Variants in PTPRR observed in about 807,000 individuals in gnomAD.
PTPRR encodes the protein protein tyrosine phosphatase receptor type R, also known as receptor-type tyrosine-protein phosphatase R.
A neutral mutation model predicts 77.2 loss-of-function variants in PTPRR; 38 were observed. The ratio of observed to expected loss-of-function variants is 0.49; its 90% CI spans 0.38 to 0.65. The LOEUF is 0.65. Among genes scored for constraint, PTPRR ranks in the 30% least tolerant of loss-of-function variants. PTPRR has a pLI of 0.00. For missense variants in PTPRR, 744 were observed against 799.2 expected, an observed-to-expected ratio of 0.93 and a Z score of 0.83; for synonymous variants, 299 against 283.1, an observed-to-expected ratio of 1.06 and a Z score of -0.57.
intron 2 of PTPRR, among the ~76,000 whole-genome samples, chr12:70,796,672 T>C (rs1891520544): frequency 6.6e-6 from 1 of 151,786 alleles, no homozygotes; most frequent in African/African-American, 2.4e-5. Context: ...GAAAAGGAAA[T>C]TAATGAAATG....
At chr12:70,801,554 A>G (rs748713812) in intron 2 of PTPRR, among the ~76,000 whole-genome samples, 19 of 152,240 alleles carry the variant, frequency 1.2e-4, no homozygotes, top group South Asian at 6.2e-4. Flanking sequence ...TCGAACTTAC[A>G]CCATTGCCTT....
chr12:70,742,670 T>C (rs1201755279), intron 6 of PTPRR, among the ~76,000 whole-genome samples: 2 of 152,116 alleles, frequency 1.3e-5, no homozygotes, highest in Admixed American at 1.3e-4. Context: ...AAAACCAGTT[T>C]AAGAGGTCTA....
At chr12:70,778,054 A>G (rs1406923968) in intron 2 of PTPRR, among the ~76,000 whole-genome samples, 1 of 152,096 alleles carries the variant, frequency 6.6e-6, no homozygotes, top group East Asian at 1.9e-4. Flanking sequence ...TCTGTTTTTC[A>G]GTTGGGTTTC....
Position 70,701,132 on chromosome 12 carries a change from C to T in PTPRR, c.1194+5G>A, listed in dbSNP as rs1888406453. 1 of 1,613,626 alleles carries T rather than the reference C, an allele frequency of 6.2e-7. No homozygotes were observed. The highest frequency in any genetic ancestry group is 8.5e-7 in the Non-Finnish European group (1 of 1,179,758). The stretch of plus-strand genomic sequence containing the variant: ...TGAAGAGTGAACAATAAATAGAAGG[C>T]TCACCATGAATTCACTTTGGAGTAA... On this transcript the variant is annotated splice_donor_5th_base_variant and intron_variant, in intron 7 of 13. Coordinates refer to ENST00000283228, the MANE Select transcript of PTPRR (RefSeq NM_002849.4).
chr12:70,840,809 G>T (rs1454839450), intron 2 of PTPRR, among the ~76,000 whole-genome samples: 1 of 152,004 alleles, frequency 6.6e-6, no homozygotes, highest in Non-Finnish European at 1.5e-5. Context: ...TCACTGAATT[G>T]CAAGGAGGTA....
At chr12:70,913,075 C>G (rs912963438) in intron 1 of PTPRR, among the ~76,000 whole-genome samples, 18 of 152,080 alleles carry the variant, frequency 1.2e-4, no homozygotes, top group African/African-American at 4.3e-4. Flanking sequence ...AATATAACAT[C>G]CGTGTTATCT....
chr12:70,643,134 T>C (rs569264019), intron 13 of PTPRR, among the ~76,000 whole-genome samples: 2 of 152,162 alleles, frequency 1.3e-5, no homozygotes, highest in Admixed American at 1.3e-4. Context: ...CAACAGAGTC[T>C]TCTTTCTTCT....
chr12:70,732,828 G>A (rs1396341916), intron 6 of PTPRR, among the ~76,000 whole-genome samples: 1 of 152,124 alleles, frequency 6.6e-6, no homozygotes, highest in African/African-American at 2.4e-5. Context: ...CAAAGTGCTA[G>A]GATTACAGGC....
intron 8 of PTPRR, among the ~76,000 whole-genome samples, chr12:70,693,843 C>T (rs1038770375): frequency 3.3e-5 from 5 of 152,074 alleles, no homozygotes; most frequent in Non-Finnish European, 4.4e-5. Flanking sequence ...AGATGGTACC[C>T]CTATTTCCTG....
intron 7 of PTPRR, among the ~76,000 whole-genome samples, chr12:70,699,865 T>C (rs1888358059): frequency 6.6e-6 from 1 of 152,232 alleles, no homozygotes; most frequent in Non-Finnish European, 1.5e-5. Flanking sequence ...CACCTTCTGT[T>C]TTCTGACACA....
chr12:70,854,626 C>A (rs527570956), intron 2 of PTPRR, among the ~76,000 whole-genome samples: 1 of 152,328 alleles, frequency 6.6e-6, no homozygotes, highest in South Asian at 2.1e-4. Flanking sequence ...TTTCATGGAT[C>A]ACACAAAAGT....
chr12:70,781,718 G>T (rs191623325), intron 2 of PTPRR, among the ~76,000 whole-genome samples: 4 of 152,130 alleles, frequency 2.6e-5, no homozygotes, highest in Non-Finnish European at 5.9e-5. Flanking sequence ...GGCAGAACAC[G>T]AAGACCAATT....
chr12:70,901,728 T>C (rs2137127030), intron 1 of PTPRR, among the ~76,000 whole-genome samples: 1 of 151,676 alleles, frequency 6.6e-6, no homozygotes, highest in East Asian at 1.9e-4. Flanking sequence ...CAAAAGCAAA[T>C]GCAATAAAAA....
chr12:70,908,118 C>A (rs1373126568), intron 1 of PTPRR, among the ~76,000 whole-genome samples: 4 of 152,040 alleles, frequency 2.6e-5, no homozygotes, highest in Non-Finnish European at 4.4e-5. Flanking sequence ...AAAAACTGGG[C>A]TCCAATTTTA....
chr12:70,913,780 T>A (rs985107516), intron 1 of PTPRR, among the ~76,000 whole-genome samples: 1 of 152,178 alleles, frequency 6.6e-6, no homozygotes, highest in African/African-American at 2.4e-5. Context: ...ACCTTCTTTA[T>A]GGTCATGAAG....
intron 13 of PTPRR, among the ~76,000 whole-genome samples, chr12:70,649,967 A>C (rs1680148860): frequency 6.6e-6 from 1 of 152,212 alleles, no homozygotes. Context: ...AGAACAGCTT[A>C]TCTTTATTAT....
intron 2 of PTPRR, among the ~76,000 whole-genome samples, chr12:70,879,471 T>C (rs893562338): frequency 2.0e-5 from 3 of 151,774 alleles, no homozygotes; most frequent in Non-Finnish European, 2.9e-5. Flanking sequence ...CAGTCTATAG[T>C]AGAACAAGCA....
chr12:70,823,100 C>G (rs1323730946), intron 2 of PTPRR, among the ~76,000 whole-genome samples: 1 of 131,044 alleles, frequency 7.6e-6, no homozygotes, highest in Non-Finnish European at 1.6e-5. Context: ...CTTGCTGTCT[C>G]TCTCTCTGAC....
intron 2 of PTPRR, among the ~76,000 whole-genome samples, chr12:70,769,463 G>T (rs1215292353): frequency 6.6e-6 from 1 of 152,078 alleles, no homozygotes. Flanking sequence ...GGGACGTGAA[G>T]GACTTCTTCA....
Sources: gnomAD v4.1 joint callset for allele counts (sites outside exome capture counted in the v4.1 genomes callset) on GRCh38, gnomAD v4.1.1 for gene constraint, MANE v1.5 for transcripts, NCBI Gene and HGNC (gene_info 2026-07-23, HGNC 2026-07-21) for gene names.